Variants in GUCY1A2 observed in about 807,000 individuals in gnomAD.
GUCY1A2 encodes guanylate cyclase soluble subunit alpha-2.
GUCY1A2 carries 27 observed loss-of-function variants against 63.5 expected under a neutral mutation model. The observed-to-expected ratio is 0.43, with a 90% CI of 0.31 to 0.59. The LOEUF (loss-of-function observed/expected upper bound fraction) is 0.59. Among genes scored for constraint, GUCY1A2 ranks in the 20% least tolerant of loss-of-function variants. The probability of loss-of-function intolerance (pLI) is 0.11; values close to 1 mark genes in which losing one functional copy is unlikely to be tolerated. For synonymous variants in GUCY1A2, 364 were observed against 343.5 expected (o/e 1.06, Z -0.66); for missense variants, 768 against 913.3 (o/e 0.84, Z 2.05).
chr11:106,825,387 C>T (rs1591291827), intron 4 of GUCY1A2, among the ~76,000 whole-genome samples: 1 of 149,874 alleles, frequency 6.7e-6, no homozygotes, highest in South Asian at 2.1e-4. Flanking sequence ...CCCTGAGCCA[C>T]ATTGGAAGAA....
intron 4 of GUCY1A2, among the ~76,000 whole-genome samples, chr11:106,849,943 C>T (rs751676975): frequency 5.3e-5 from 8 of 151,664 alleles, no homozygotes; most frequent in Non-Finnish European, 7.4e-5. Context: ...GTGGATTTTA[C>T]AGACGATTCA....
In GUCY1A2 at chr11:106,737,463, T is replaced by C. The variant is rs980698746; in HGVS notation, c.1837-28797A>G. The stretch of plus-strand genomic sequence containing the variant: ...GTGCAAAACATGCAACTTTGTTACA[T>C]AGTTATACACGTGCCATGGTGGTTT... On this transcript the variant is annotated intron_variant, in intron 6 of 7. Coordinates refer to ENST00000526355, the MANE Select transcript of GUCY1A2 (RefSeq NM_000855.3). Among the ~76,000 whole-genome samples, 2 of 152,250 alleles carry C rather than the reference T, an allele frequency of 1.3e-5. 1 individual carries two copies.
chr11:106,709,684 A>ATTATATACACGTATAGAATATATAG (rs1420969364), intron 6 of GUCY1A2, among the ~76,000 whole-genome samples: 16 of 55,990 alleles, frequency 2.9e-4, no homozygotes, highest in African/African-American at 9.0e-4. Context: ...ATAGTTATAT[A>ATTATATACACGTATAGAATATATAG]TTATATACAC....
intron 4 of GUCY1A2, among the ~76,000 whole-genome samples, chr11:106,900,292 TCC>T (rs1860113243): frequency 6.6e-6 from 1 of 152,090 alleles, no homozygotes; most frequent in Non-Finnish European, 1.5e-5. Context: ...CCAGAGAGCC[TCC>T]TACCTCAGCC....
At chr11:106,785,831 T>C (rs1864545272) in intron 5 of GUCY1A2, among the ~76,000 whole-genome samples, 2 of 151,914 alleles carry the variant, frequency 1.3e-5, no homozygotes, top group African/African-American at 4.8e-5. Flanking sequence ...GACTTCTGTA[T>C]ATGAAGTGAG....
intron 1 of GUCY1A2, among the ~76,000 whole-genome samples, chr11:106,997,998 T>C (rs917532982): frequency 1.3e-5 from 2 of 152,140 alleles, no homozygotes; most frequent in Admixed American, 6.6e-5. Context: ...GTGATGTCAC[T>C]AATGCCTTGT....
chr11:106,886,291 T>A (rs1214075990), intron 4 of GUCY1A2, among the ~76,000 whole-genome samples: 1 of 152,126 alleles, frequency 6.6e-6, no homozygotes, highest in African/African-American at 2.4e-5. Flanking sequence ...TTGGAATGCA[T>A]ACATAATGCT....
At chr11:106,755,000 G>C (rs925737809) in intron 6 of GUCY1A2, among the ~76,000 whole-genome samples, 5 of 152,054 alleles carry the variant, frequency 3.3e-5, no homozygotes. Context: ...TTTTTGGTTG[G>C]TAGGCTATTA....
At chr11:106,844,973 A>C (rs1007473809) in intron 4 of GUCY1A2, among the ~76,000 whole-genome samples, 1 of 151,754 alleles carries the variant, frequency 6.6e-6, no homozygotes, top group Non-Finnish European at 1.5e-5. Context: ...TGTGGAAAAG[A>C]ATGGCAAATC....
intron 3 of GUCY1A2, among the ~76,000 whole-genome samples, chr11:106,952,803 C>T (rs1860928693): frequency 6.6e-6 from 1 of 152,018 alleles, no homozygotes; most frequent in Admixed American, 6.6e-5. Context: ...CCACACCTGG[C>T]TAATTTTTGT....
intron 4 of GUCY1A2, among the ~76,000 whole-genome samples, chr11:106,823,152 G>T (rs1284435846): frequency 6.6e-6 from 1 of 152,082 alleles, no homozygotes; most frequent in African/African-American, 2.4e-5. Context: ...TGGGTATTTT[G>T]AATAATGTTG....
chr11:106,701,188 T>A (rs142510531), intron 7 of GUCY1A2, among the ~76,000 whole-genome samples: 2 of 152,216 alleles, frequency 1.3e-5, no homozygotes, highest in African/African-American at 4.8e-5. Flanking sequence ...ATTAGAGACA[T>A]GCTTATACAA....
In GUCY1A2 at chr11:106,831,850, T is replaced by C. The variant is rs1230792708; in HGVS notation, c.1207-21372A>G. ...TTACCTTGACTAATATACCAGGTCT[T>C]GGTAAGAAATCATTTTCCCCCAACT... On this transcript the variant is annotated intron_variant, in intron 4 of 7. Transcript: ENST00000526355. 2.0e-5 allele frequency among the ~76,000 whole-genome samples: 3 copies of C among 152,166 alleles called. No homozygotes were observed. In the East Asian group the frequency reaches 5.8e-4, roughly 29 times the overall value.
chr11:106,698,479 T>A (rs922291419), intron 7 of GUCY1A2, among the ~76,000 whole-genome samples: 1 of 152,076 alleles, frequency 6.6e-6, no homozygotes, highest in African/African-American at 2.4e-5. Context: ...AATGTTAGAT[T>A]TATAGAAGAA....
intron 3 of GUCY1A2, among the ~76,000 whole-genome samples, chr11:106,958,417 C>T (rs975457150): frequency 6.6e-6 from 1 of 152,088 alleles, no homozygotes; most frequent in Admixed American, 6.6e-5. Context: ...AAAATCTATT[C>T]CTATAATTTT....
chr11:106,741,058 A>T (rs1863686598), intron 6 of GUCY1A2, among the ~76,000 whole-genome samples: 1 of 152,194 alleles, frequency 6.6e-6, no homozygotes. Context: ...CTTTATTGCA[A>T]TGCTGTCCAA....
Position 106,842,404 on chromosome 11 carries a change from C to T in GUCY1A2, c.1207-31926G>A, listed in dbSNP as rs556981800. 2.6e-5 allele frequency among the ~76,000 whole-genome samples: 4 copies of T among 152,062 alleles called. No individual in the cohort carries two copies. The East Asian group carries it at 7.8e-4, about 30-fold the overall frequency. On this transcript the variant is annotated intron_variant, in intron 4 of 7. Coordinates refer to ENST00000526355, the MANE Select transcript of GUCY1A2 (RefSeq NM_000855.3). ...ATATACATAAAGGCCACTATGTAGT[C>T]CCTTTCTTTGAGTCAGTGTTGTAGA...
chr11:106,836,730 T>A (rs1178984848), intron 4 of GUCY1A2, among the ~76,000 whole-genome samples: 2 of 151,948 alleles, frequency 1.3e-5, no homozygotes, highest in Non-Finnish European at 2.9e-5. Flanking sequence ...CACATGCCAT[T>A]TTAAGAGGAT....
chr11:107,013,433 T>A (rs1000289448), intron 1 of GUCY1A2, among the ~76,000 whole-genome samples: 2 of 152,238 alleles, frequency 1.3e-5, no homozygotes, highest in Non-Finnish European at 2.9e-5. Flanking sequence ...TCACCCTTGA[T>A]GTGAAATCCC....
Sources: allele counts gnomAD v4.1 joint callset (sites outside exome capture counted in the v4.1 genomes callset), GRCh38; gene constraint gnomAD v4.1.1; transcripts MANE v1.5; gene names NCBI Gene and HGNC (gene_info 2026-07-23, HGNC 2026-07-21).